Variants in MYOF observed in about 807,000 individuals in gnomAD.
The protein encoded by MYOF is myoferlin.
In MYOF, 244 loss-of-function variants were observed where a neutral mutation model predicts 284.2. The ratio of observed to expected loss-of-function variants is 0.86; its 90% CI spans 0.77 to 0.95. The LOEUF (loss-of-function observed/expected upper bound fraction) is 0.95. MYOF is among the 40% of genes least tolerant of loss of function. The pLI is 0.00. For missense variants in MYOF, 2,496 were observed against 2,560.6 expected (o/e 0.97, Z 0.54); for synonymous variants, 904 against 919.7 (o/e 0.98, Z 0.31).
In MYOF at chr10:93,314,602, C is replaced by A. The variant is rs116643031; in HGVS notation, c.5699-1392G>T. On this transcript the variant is annotated intron_variant, in intron 50 of 53. Transcript: ENST00000359263. ...TTAAACTGTCAGGCTCAGGGACTACCCTTCAGCATATAGTGGACCCATAAG... is the reference window on the plus strand; with the variant it reads ...TTAAACTGTCAGGCTCAGGGACTACACTTCAGCATATAGTGGACCCATAAG... Among the ~76,000 whole-genome samples the A allele has an allele frequency of 6.4e-3, 974 of 152,276 alleles. 10 individuals carry two copies. The highest frequency in any genetic ancestry group is 0.022 in the African/African-American group (932 of 41,546).
chr10:93,366,590 T>C, intron 25 of MYOF, 35 bp from the exon 26 acceptor site: 3 of 1,542,010 alleles, frequency 1.9e-6, no homozygotes, highest in East Asian at 4.5e-5. Flanking sequence ...AGAAACACCA[T>C]CAGAGAGCAA....
At chr10:93,395,938 T>C (rs1034243663) in intron 16 of MYOF, among the ~76,000 whole-genome samples, 1 of 150,280 alleles carries the variant, frequency 6.7e-6, no homozygotes, top group Admixed American at 6.7e-5. Flanking sequence ...TAGATTATGA[T>C]TTTAGCAGTT....
At position 93,402,157 on chromosome 10, in the gene MYOF, C is replaced by T. The variant is rs1847325251; in HGVS notation, c.990+75G>A. ...GAAGCTGTGCTCCATTTCACAATTA[C>T]CCATGCCCACATGCTTAACTCTTGG... On this transcript the variant is annotated intron_variant, in intron 11 of 53. Transcript: ENST00000359263. The T allele has an allele frequency of 2.6e-6, 3 of 1,159,984 alleles. No homozygotes were observed. The South Asian group carries it at 3.7e-5, about 14-fold the overall frequency. 71.9% of individuals were successfully genotyped at this position (1,159,984 alleles called of 1,614,324 possible).
Position 93,333,769 on chromosome 10 carries a change from T to C in MYOF, c.4708A>G (p.Asn1570Asp), listed in dbSNP as rs1478629073. 4 of 1,614,178 alleles carry C rather than the reference T, an allele frequency of 2.5e-6. No homozygotes were observed. The highest frequency in any genetic ancestry group is 1.1e-5 in the South Asian group (1 of 91,076). The change falls in exon 42 of 54, where the codon AAC becomes GAC. Residue 1570 changes from asparagine to aspartate, a missense_variant. Around this residue, in one of 3 missense-constraint regions of MYOF, gnomAD observed 2,436 missense variants for 2,480.7 expected, o/e 0.98. Coordinates refer to ENST00000359263, the MANE Select transcript of MYOF (RefSeq NM_013451.4). Reference protein sequence around the residue: ...VRGLELQPQDNNGLCDPYIKI... With the variant: ...VRGLELQPQDDNGLCDPYIKI... ...ACCCAAACTCTTACCAGGCCATTGT[T>C]GTCCTGGGGCTGGAGCTCTAAGCCT...
intron 51 of MYOF, 33 bp from the exon 52 acceptor site, chr10:93,310,676 C>T (rs779033852): frequency 6.3e-6 from 10 of 1,575,420 alleles, no homozygotes; most frequent in Admixed American, 1.7e-5. Context: ...AAACATATGA[C>T]ATCATGTTTC....
intron 5 of MYOF, among the ~76,000 whole-genome samples, chr10:93,411,261 G>A (rs1360424070): frequency 6.6e-6 from 1 of 152,204 alleles, no homozygotes; most frequent in Non-Finnish European, 1.5e-5. Context: ...TGGAGGTGGG[G>A]AAGTCCAAGA....
intron 40 of MYOF, among the ~76,000 whole-genome samples, chr10:93,336,793 AGAAG>A (rs944676312): frequency 2.0e-5 from 3 of 150,700 alleles, no homozygotes; most frequent in Non-Finnish European, 4.4e-5. Flanking sequence ...GAGAAAAGGA[AGAAG>A]GAAGGGAGGC....
chr10:93,320,081 A>C, intron 48 of MYOF, 68 bp from the exon 49 acceptor site: 1 of 1,573,006 alleles, frequency 6.4e-7, no homozygotes, highest in Non-Finnish European at 8.7e-7. Flanking sequence ...AAAATTGTGC[A>C]GTAATTAGGG....
At chr10:93,335,530 G>A (rs1350711340) in intron 41 of MYOF, among the ~76,000 whole-genome samples, 2 of 152,192 alleles carry the variant, frequency 1.3e-5, no homozygotes, top group Non-Finnish European at 2.9e-5. Flanking sequence ...AGGGGCAGTA[G>A]GATGAAGAGA....
At chr10:93,454,730 C>A (rs1289432732) in intron 2 of MYOF, among the ~76,000 whole-genome samples, 3 of 152,048 alleles carry the variant, frequency 2.0e-5, no homozygotes, top group Non-Finnish European at 4.4e-5. Flanking sequence ...GTAAACTCAG[C>A]ACTTTGGGAG....
At chr10:93,366,590 T>G (rs745923205) in intron 25 of MYOF, 35 bp from the exon 26 acceptor site, 20 of 1,541,892 alleles carry the variant, frequency 1.3e-5, no homozygotes, top group Non-Finnish European at 1.6e-5. Context: ...AGAAACACCA[T>G]CAGAGAGCAA....
Position 93,402,344 on chromosome 10 carries a change from TG to T in MYOF, c.877del (p.His293MetfsTer4). ...DVGFVYDEPG[H>X]AVMRKWLLLN... is the part of the protein sequence containing the mutation. The stretch of plus-strand genomic sequence containing the variant: ...AAGAAGCCACTTTCTCATGACAGCA[TG>T]GCCTAAAATAGAGAAGGAGTAAAAG... On this transcript the variant is annotated frameshift_variant and splice_region_variant, in exon 11 of 54. Transcript: ENST00000359263. LOFTEE classifies it high-confidence loss of function. 1 of 1,612,024 alleles carries T rather than the reference TG, an allele frequency of 6.2e-7. No individual in the cohort carries two copies. The highest frequency in any genetic ancestry group is 8.5e-7 in the Non-Finnish European group (1 of 1,178,256).
chr10:93,372,765 C>G (rs73319621), intron 24 of MYOF, among the ~76,000 whole-genome samples, 165 bp downstream of exon 24: 239 of 152,332 alleles, frequency 1.6e-3, no homozygotes, highest in African/African-American at 5.4e-3. Context: ...CCTCAGATCA[C>G]TCTCTCTCAG....
intron 53 of MYOF, among the ~76,000 whole-genome samples, chr10:93,307,320 G>C (rs530813710): frequency 5.9e-4 from 90 of 152,170 alleles, no homozygotes; most frequent in African/African-American, 2.1e-3. Context: ...TTTTGAGATG[G>C]AGTCTTGCTC....
intron 29 of MYOF, among the ~76,000 whole-genome samples, chr10:93,357,632 C>T (rs115520812): frequency 0.019 from 2,818 of 152,280 alleles, 92 homozygotes; most frequent in African/African-American, 0.064. Context: ...GAAGTGAGAG[C>T]TCCATGTGGG....
chr10:93,402,830 C>G (rs1309347015), intron 10 of MYOF, 30 bp downstream of exon 10: 2 of 1,584,784 alleles, frequency 1.3e-6, no homozygotes, highest in Non-Finnish European at 1.7e-6. Flanking sequence ...GAATTTAAGA[C>G]TTCATATTGA....
intron 3 of MYOF, among the ~76,000 whole-genome samples, 185 bp downstream of exon 3, chr10:93,451,865 G>T (rs888948044): frequency 3.3e-5 from 5 of 152,178 alleles, no homozygotes; most frequent in African/African-American, 1.2e-4. Flanking sequence ...AGCAGTCATT[G>T]GGAAAAAGTG....
At chr10:93,333,420 G>T (rs907903788) in intron 42 of MYOF, 108 bp from the exon 43 acceptor site, 9 of 999,530 alleles carry the variant, frequency 9.0e-6, no homozygotes, top group Non-Finnish European at 1.4e-5. Flanking sequence ...CTGATGACAA[G>T]GTGGCCGCCA....
intron 51 of MYOF, among the ~76,000 whole-genome samples, chr10:93,311,240 A>ATT (rs1210553860): frequency 6.6e-6 from 1 of 152,176 alleles, no homozygotes; most frequent in African/African-American, 2.4e-5. Context: ...TGCTCATGGC[A>ATT]ACCCTACAAA....
Sources: allele counts gnomAD v4.1 joint callset (sites outside exome capture counted in the v4.1 genomes callset), GRCh38; gene constraint gnomAD v4.1.1; regional missense constraint gnomAD v4.1.1; transcripts MANE v1.5; gene names NCBI Gene and HGNC (gene_info 2026-07-23, HGNC 2026-07-21).